Variants in CORO1C observed in about 807,000 individuals in gnomAD.
CORO1C encodes the protein coronin-1C.
A neutral mutation model predicts 51.2 loss-of-function variants in CORO1C; 14 were observed. That is an observed-to-expected ratio of 0.27 (90% CI 0.18 to 0.43). CORO1C has a LOEUF of 0.43. CORO1C is among the 20% of genes least tolerant of loss of function. CORO1C has a pLI of 1.00. For missense variants in CORO1C, 417 were observed against 607.8 expected (o/e 0.69, Z 3.30); for synonymous variants, 181 against 210.5 (o/e 0.86, Z 1.21).
intron 1 of CORO1C, among the ~76,000 whole-genome samples, chr12:108,719,307 C>A (rs2035418302): frequency 6.6e-6 from 1 of 152,034 alleles, no homozygotes. Flanking sequence ...TTTATGGTAC[C>A]CTCAAAAAAC....
intron 3 of CORO1C, among the ~76,000 whole-genome samples, chr12:108,673,687 C>CT (rs1435440081): frequency 6.6e-6 from 1 of 152,146 alleles, no homozygotes; most frequent in African/African-American, 2.4e-5. Context: ...CAGCTGGTGA[C>CT]TTTAAGTTGA....
chr12:108,696,118 T>TG (rs1387024221), intron 2 of CORO1C, among the ~76,000 whole-genome samples: 5 of 152,164 alleles, frequency 3.3e-5, no homozygotes, highest in Non-Finnish European at 1.5e-5. Context: ...AACAGAGACC[T>TG]GGCCATACCC....
In CORO1C at chr12:108,702,892, G is replaced by A. The variant is rs923360842; in HGVS notation, c.-5-1569C>T. Reference sequence around the variant, plus strand: ...CCTTGGCAGGCAATTGAGCATCCACGTTCCTTAGCCCAGCTGTTATTGCCA... The same window carrying A: ...CCTTGGCAGGCAATTGAGCATCCACATTCCTTAGCCCAGCTGTTATTGCCA... On this transcript the variant is annotated intron_variant, in intron 1 of 10. Transcript: ENST00000261401. 6.8e-5 allele frequency: 104 copies of A among 1,535,658 alleles called. No individual in the cohort carries two copies. The African/African-American group carries it at 1.1e-3, about 17-fold the overall frequency.
chr12:108,667,550 C>T lies in CORO1C; in HGVS notation c.319-5392G>A, dbSNP rs142764814. The stretch of plus-strand genomic sequence containing the variant: ...GTGTTCCTAACATTTTCTGTTTGGA[C>T]AACACATTACTATGGCAATGTTTTG... On this transcript the variant is annotated intron_variant, in intron 3 of 10. Coordinates refer to ENST00000261401, the MANE Select transcript of CORO1C (RefSeq NM_014325.4). Among the ~76,000 whole-genome samples, 349 of 152,260 alleles carry T rather than the reference C, an allele frequency of 2.3e-3. 2 individuals carry two copies. The highest frequency in any genetic ancestry group is 8.1e-3 in the African/African-American group (337 of 41,550).
intron 3 of CORO1C, among the ~76,000 whole-genome samples, chr12:108,676,986 G>A (rs563198852): frequency 5.7e-4 from 86 of 152,140 alleles, no homozygotes; most frequent in African/African-American, 2.0e-3. Flanking sequence ...GAGGAAAAGC[G>A]GGTAAATGTT....
At chr12:108,695,166 C>T (rs997589160) in intron 2 of CORO1C, among the ~76,000 whole-genome samples, 1 of 152,206 alleles carries the variant, frequency 6.6e-6, no homozygotes, top group Non-Finnish European at 1.5e-5. Context: ...TGAGCTGGTG[C>T]TGGCAGTCAT....
chr12:108,655,527 G>C (rs1432839041), intron 6 of CORO1C, among the ~76,000 whole-genome samples: 1 of 152,140 alleles, frequency 6.6e-6, no homozygotes, highest in Non-Finnish European at 1.5e-5. Context: ...TTGCAAGCGC[G>C]CACCGCCACG....
chr12:108,710,004 C>G (rs992894173), intron 1 of CORO1C, among the ~76,000 whole-genome samples: 4 of 152,196 alleles, frequency 2.6e-5, no homozygotes, highest in African/African-American at 7.2e-5. Flanking sequence ...AATAAACTTA[C>G]TTTCAATGGG....
At chr12:108,650,280 C>A (rs2032587315) in intron 8 of CORO1C, among the ~76,000 whole-genome samples, 1 of 137,770 alleles carries the variant, frequency 7.3e-6, no homozygotes, top group Non-Finnish European at 1.5e-5. Flanking sequence ...ACCTCCTGGG[C>A]TCAAGCCAAA....
In CORO1C at chr12:108,652,403, AAT is replaced by A. The variant is rs1484785738; in HGVS notation, c.868_869del (p.Ile290SerfsTer4). On this transcript the variant is annotated frameshift_variant, in exon 8 of 11. Transcript: ENST00000261401. LOFTEE classifies it high-confidence loss of function. The part of the protein sequence containing the change: ...IYLCGKGDSS[I>X]RYFEITDESP... ...ATTCATCCGTGATCTCAAAATAGCGAATACTGCTGTCACCCTGTAAGAAACCA... is the reference window on the plus strand; with the variant it reads ...ATTCATCCGTGATCTCAAAATAGCGAACTGCTGTCACCCTGTAAGAAACCA... 1 of 1,613,486 alleles carries A rather than the reference AAT, an allele frequency of 6.2e-7. No homozygotes were observed. Among genetic ancestry groups the A allele is most frequent in the Non-Finnish European group, 8.5e-7 (1 of 1,179,630 alleles).
At chr12:108,679,714 A>G (rs1020339085) in intron 2 of CORO1C, among the ~76,000 whole-genome samples, 2 of 152,256 alleles carry the variant, frequency 1.3e-5, no homozygotes, top group African/African-American at 4.8e-5. Flanking sequence ...TCTCCAGGAA[A>G]GCAGAACGTT....
rs930907468 is a variant in CORO1C at position 108,658,609 on chromosome 12, C to G, written c.630+129G>C. 2 of 794,424 alleles carry G rather than the reference C, an allele frequency of 2.5e-6. No individual in the cohort carries two copies. The highest frequency in any genetic ancestry group is 5.4e-5 in the Admixed American group (2 of 36,892). 49.2% of individuals were successfully genotyped at this position (794,424 alleles called of 1,614,324 possible). A position where few individuals can be genotyped will look rare whatever the true frequency, so the allele number is the denominator to read the frequency against. ...AGACAGAAGCCTTTATAAGCCTTCT[C>G]TTATTCACAGTTGGTGTCTACACAC... is the stretch of plus-strand genomic sequence containing the variant. On this transcript the variant is annotated intron_variant, in intron 5 of 10. Coordinates refer to ENST00000261401, the MANE Select transcript of CORO1C (RefSeq NM_014325.4). The surrounding 1 kb of genome is among the most constrained non-coding windows in gnomAD (Gnocchi z 4.9).
chr12:108,656,153 C>A (rs1215670681), intron 6 of CORO1C, among the ~76,000 whole-genome samples: 1 of 58,886 alleles, frequency 1.7e-5, no homozygotes, highest in Non-Finnish European at 3.6e-5. Context: ...GCAGCCGCCC[C>A]GTCTGAGAAG....
At chr12:108,706,826 C>G (rs2035045372) in intron 1 of CORO1C, among the ~76,000 whole-genome samples, 1 of 152,172 alleles carries the variant, frequency 6.6e-6, no homozygotes, top group Non-Finnish European at 1.5e-5. Context: ...GCAGGTGATC[C>G]TCCTGTCTTG....
intron 3 of CORO1C, among the ~76,000 whole-genome samples, chr12:108,671,009 A>G (rs2033693897): frequency 6.6e-6 from 1 of 151,448 alleles, no homozygotes; most frequent in Non-Finnish European, 1.5e-5. Context: ...AATAATAATA[A>G]TAATAAAGTC....
rs145325902 is a variant in CORO1C, at chr12:108,652,342, T to G, written c.931A>C (p.Lys311Gln). The G allele has an allele frequency of 1.9e-6, 3 of 1,613,960 alleles. No individual in the cohort carries two copies. The highest frequency in any genetic ancestry group is 1.7e-6 in the Non-Finnish European group (2 of 1,179,822). The change falls in exon 8 of 11, where the codon AAG becomes CAG. Residue 311 changes from lysine to glutamine, a missense_variant. By Grantham distance (53) the Lys-to-Gln change is moderately conservative (BLOSUM62 1). Coordinates refer to ENST00000261401, the MANE Select transcript of CORO1C (RefSeq NM_014325.4). ...YVHYLNTFSSKEPQRGMGYMP... is the reference protein window; with the variant it reads ...YVHYLNTFSSQEPQRGMGYMP... ...TAACCCATCCCTCTCTGAGGCTCCT[T>G]GCTGCTGAATGTGTTGAGGTAGTGG...
intron 1 of CORO1C, among the ~76,000 whole-genome samples, chr12:108,704,140 T>C (rs1223142229): frequency 1.3e-5 from 2 of 152,174 alleles, no homozygotes; most frequent in African/African-American, 2.4e-5. Flanking sequence ...CATTGAAAGA[T>C]ACTATACAAA....
intron 2 of CORO1C, among the ~76,000 whole-genome samples, chr12:108,692,851 G>A (rs1442676903): frequency 7.6e-6 from 1 of 132,352 alleles, no homozygotes; most frequent in Non-Finnish European, 1.5e-5. Context: ...AGGCTGGAGT[G>A]CAATGGTGCT....
At chr12:108,650,463 ACCACCACT>A (rs1453862979) in intron 8 of CORO1C, among the ~76,000 whole-genome samples, 1 of 152,156 alleles carries the variant, frequency 6.6e-6, no homozygotes, top group Non-Finnish European at 1.5e-5. Flanking sequence ...TACAGGGTGA[ACCACCACT>A]CCTGGCCCAA....
Sources: gnomAD v4.1 joint callset for allele counts (sites outside exome capture counted in the v4.1 genomes callset) on GRCh38, gnomAD v4.1.1 for gene constraint, Gnocchi (gnomAD v3.1) non-coding constraint, MANE v1.5 for transcripts, NCBI Gene and HGNC (gene_info 2026-07-23, HGNC 2026-07-21) for gene names.